Variants in ABTB2 observed in about 807,000 individuals in gnomAD.
The protein encoded by ABTB2 is ankyrin repeat and BTB/POZ domain-containing protein 2.
In ABTB2, 56 loss-of-function variants were observed where a neutral mutation model predicts 104.1. That is an observed-to-expected ratio of 0.54 (90% CI 0.43 to 0.67). The LOEUF (loss-of-function observed/expected upper bound fraction) is 0.67. Among genes scored for constraint, ABTB2 ranks in the 30% least tolerant of loss-of-function variants. The pLI, the probability that ABTB2 is intolerant of heterozygous loss-of-function variation, is 0.00. For synonymous variants in ABTB2, 606 were observed against 608.2 expected (o/e 1.00, Z 0.05); for missense variants, 1,279 against 1,407.7 (o/e 0.91, Z 1.46).
At chr11:34,312,214 G>A (rs758487389) in intron 1 of ABTB2, among the ~76,000 whole-genome samples, 1 of 151,934 alleles carries the variant, frequency 6.6e-6, no homozygotes, top group African/African-American at 2.4e-5. Context: ...TGCCTGGAAA[G>A]GCATCTTCAA....
At chr11:34,156,900 A>G (rs1427018309) in intron 14 of ABTB2, among the ~76,000 whole-genome samples, 2 of 152,140 alleles carry the variant, frequency 1.3e-5, no homozygotes, top group African/African-American at 4.8e-5. Context: ...ATTAAAATCA[A>G]TTTCACCTGC....
chr11:34,260,718 G>C (rs747119013), intron 1 of ABTB2, among the ~76,000 whole-genome samples: 10 of 152,156 alleles, frequency 6.6e-5, no homozygotes, highest in Non-Finnish European at 1.3e-4. Context: ...TTACAGATGT[G>C]AATATGGAAG....
intron 1 of ABTB2, among the ~76,000 whole-genome samples, chr11:34,314,267 C>A (rs1854896820): frequency 6.6e-6 from 1 of 152,194 alleles, no homozygotes; most frequent in South Asian, 2.1e-4. Flanking sequence ...AGACTTGAGG[C>A]TGTTCTTCTC....
intron 1 of ABTB2, among the ~76,000 whole-genome samples, chr11:34,280,064 C>T (rs553115675): frequency 1.3e-5 from 2 of 152,236 alleles, no homozygotes; most frequent in South Asian, 2.1e-4. Flanking sequence ...AGCCACCGTG[C>T]CCAGTCTCTA....
intron 1 of ABTB2, among the ~76,000 whole-genome samples, chr11:34,233,535 G>A (rs182633809): frequency 3.7e-4 from 57 of 152,170 alleles, no homozygotes; most frequent in African/African-American, 1.4e-3. Context: ...AAAATGTTTT[G>A]TAGAGACAAG....
chr11:34,255,386 T>G (rs985470468), intron 1 of ABTB2, among the ~76,000 whole-genome samples: 15 of 152,168 alleles, frequency 9.9e-5, no homozygotes, highest in African/African-American at 3.1e-4. Context: ...GGCAGGGATC[T>G]CCTCAGATCA....
chr11:34,265,528 T>A (rs1206362805), intron 1 of ABTB2, among the ~76,000 whole-genome samples: 1 of 151,872 alleles, frequency 6.6e-6, no homozygotes, highest in East Asian at 1.9e-4. Context: ...GGCGTGGCGG[T>A]ACATGCCTGT....
At chr11:34,223,412 TC>T (rs1853650012) in intron 1 of ABTB2, among the ~76,000 whole-genome samples, 1 of 152,164 alleles carries the variant, frequency 6.6e-6, no homozygotes, top group African/African-American at 2.4e-5. Flanking sequence ...TTTTCTTAGT[TC>T]TTGATTTGGA....
intron 1 of ABTB2, among the ~76,000 whole-genome samples, chr11:34,251,439 G>A (rs1236969127): frequency 6.6e-6 from 1 of 152,186 alleles, no homozygotes; most frequent in African/African-American, 2.4e-5. Context: ...ACTGTCTCAG[G>A]CACCAGTGAA....
At chr11:34,247,926 C>G (rs540546395) in intron 1 of ABTB2, among the ~76,000 whole-genome samples, 10 of 152,150 alleles carry the variant, frequency 6.6e-5, no homozygotes, top group Non-Finnish European at 1.3e-4. Flanking sequence ...GCATTTATGT[C>G]TTAACTCGAG....
chr11:34,291,609 C>T (rs1189048333), intron 1 of ABTB2, among the ~76,000 whole-genome samples: 1 of 152,166 alleles, frequency 6.6e-6, no homozygotes, highest in African/African-American at 2.4e-5. Flanking sequence ...AATTCTCCTG[C>T]CTCAGCCTCC....
At chr11:34,308,177 G>A (rs532667239) in intron 1 of ABTB2, among the ~76,000 whole-genome samples, 1 of 152,326 alleles carries the variant, frequency 6.6e-6, no homozygotes, top group South Asian at 2.1e-4. Flanking sequence ...CACATGTGAT[G>A]AGCTTGGAAT....
intron 13 of ABTB2, among the ~76,000 whole-genome samples, 166 bp from the exon 14 acceptor site, chr11:34,159,552 T>C (rs1426152631): frequency 1.3e-5 from 2 of 152,198 alleles, no homozygotes; most frequent in African/African-American, 4.8e-5. Flanking sequence ...TACACCATCT[T>C]AGGAAGACAT....
At chr11:34,178,669 G>GA (rs1852986753) in intron 3 of ABTB2, among the ~76,000 whole-genome samples, 1 of 152,210 alleles carries the variant, frequency 6.6e-6, no homozygotes, top group Non-Finnish European at 1.5e-5. Context: ...GGTCGGGGCT[G>GA]AAAAAGCTCC....
At chr11:34,241,425 C>G (rs1206997039) in intron 1 of ABTB2, among the ~76,000 whole-genome samples, 1 of 152,146 alleles carries the variant, frequency 6.6e-6, no homozygotes, top group Non-Finnish European at 1.5e-5. Context: ...CAGAGGACAT[C>G]TCTGTTGCCT....
At position 34,151,693 on chromosome 11, in the gene ABTB2, A is replaced by ATTT. The variant is rs1852541197; in HGVS notation, c.*693_*694insAAA. 1.3e-5 allele frequency: 2 copies of ATTT among 152,388 alleles called. No individual in the cohort carries two copies. The highest frequency in any genetic ancestry group is 4.8e-5 in the African/African-American group (2 of 41,442). The allele number at this position is 152,388 out of a possible 1,614,324, so 9.4% of individuals were successfully genotyped here. A position where few individuals can be genotyped will look rare whatever the true frequency, so the allele number is the denominator to read the frequency against. ...AGCTCAGAAACCATCAAGCTGGGGA[A>ATTT]CTGCCCTCTGCTGCTAACTGAGCAA... is the stretch of plus-strand genomic sequence containing the variant. On this transcript the variant is annotated 3_prime_UTR_variant, in exon 17 of 17. Transcript: ENST00000435224.
chr11:34,221,560 T>TA (rs1853622829), intron 1 of ABTB2, among the ~76,000 whole-genome samples: 1 of 152,164 alleles, frequency 6.6e-6, no homozygotes, highest in Admixed American at 6.5e-5. Flanking sequence ...CTGTGTCCCT[T>TA]AGACTACTGA....
intron 2 of ABTB2, among the ~76,000 whole-genome samples, chr11:34,200,964 A>G (rs902858172): frequency 6.6e-6 from 1 of 152,374 alleles, no homozygotes; most frequent in Admixed American, 6.5e-5. Flanking sequence ...CAGTAATTTT[A>G]TATCTAGCTA....
At chr11:34,324,038 G>C (rs1401384803) in intron 1 of ABTB2, among the ~76,000 whole-genome samples, 2 of 148,154 alleles carry the variant, frequency 1.3e-5, no homozygotes, top group African/African-American at 5.0e-5. Flanking sequence ...AGCCTCCTAA[G>C]TAGCTGGGAT....
Sources: gnomAD v4.1 joint callset for allele counts (sites outside exome capture counted in the v4.1 genomes callset) on GRCh38, gnomAD v4.1.1 for gene constraint, MANE v1.5 for transcripts, NCBI Gene and HGNC (gene_info 2026-07-23, HGNC 2026-07-21) for gene names.